Variants in SLCO1B3 observed in about 807,000 individuals in gnomAD.
The protein encoded by SLCO1B3 is solute carrier organic anion transporter family member 1B3, also known as liver-specific organic anion transporter 2.
SLCO1B3 carries 72 observed loss-of-function variants against 71.8 expected under a neutral mutation model. The observed-to-expected ratio is 1.00, with a 90% CI of 0.83 to 1.22. SLCO1B3 has a LOEUF of 1.22. SLCO1B3 is among the 50% of genes most tolerant of loss of function. The pLI is 0.00. For synonymous variants in SLCO1B3, 298 were observed against 278.4 expected, an observed-to-expected ratio of 1.07 and a Z score of -0.70; for missense variants, 911 against 819.7, an observed-to-expected ratio of 1.11 and a Z score of -1.36.
At chr12:20,856,640 A>T (rs558599996) in intron 4 of SLCO1B3, among the ~76,000 whole-genome samples, 97 of 152,226 alleles carry the variant, frequency 6.4e-4, no homozygotes, top group African/African-American at 2.2e-3. Flanking sequence ...TCTCACAGCA[A>T]CCTCCACCTC....
At position 20,889,636 on chromosome 12, in the gene SLCO1B3, C is replaced by T. The variant is rs77813387; in HGVS notation, c.1682+6034C>T. On this transcript the variant is annotated intron_variant, in intron 13 of 15. Coordinates refer to ENST00000381545, the MANE Select transcript of SLCO1B3 (RefSeq NM_019844.4). The stretch of plus-strand genomic sequence containing the variant: ...AAGCTATCTATCTTACTTATATTTT[C>T]AAATTACAACTTTTTATTTCACTGA... Among the ~76,000 whole-genome samples the T allele has an allele frequency of 9.0e-3, 1,376 of 152,118 alleles. 14 individuals carry two copies. Among genetic ancestry groups the T allele is most frequent in the African/African-American group, 0.03 (1,253 of 41,520 alleles).
intron 13 of SLCO1B3, among the ~76,000 whole-genome samples, chr12:20,896,989 A>C (rs1420804719): frequency 6.6e-6 from 1 of 152,196 alleles, no homozygotes; most frequent in Non-Finnish European, 1.5e-5. Context: ...TGTGAGACTT[A>C]TTATCATGAG....
At chr12:20,864,482 C>A (rs1470633805) in intron 8 of SLCO1B3, among the ~76,000 whole-genome samples, 5 of 152,162 alleles carry the variant, frequency 3.3e-5, no homozygotes, top group Non-Finnish European at 5.9e-5. Flanking sequence ...GCCAAGAAAT[C>A]ATAAAGTGTT....
intron 3 of SLCO1B3, among the ~76,000 whole-genome samples, chr12:20,832,611 G>T (rs1433871645): frequency 6.6e-6 from 1 of 152,034 alleles, no homozygotes; most frequent in Non-Finnish European, 1.5e-5. Context: ...TATCCCACAG[G>T]TTTTATTCTG....
In SLCO1B3 at chr12:20,877,787, T is replaced by C; in HGVS notation, c.986T>C (p.Leu329Ser). ...AACTCTATAGGTTTTTTCCAGTCTTTGAAAAGCATCCTTACCAATCCCCTG... is the reference window on the plus strand; with the variant it reads ...AACTCTATAGGTTTTTTCCAGTCTTCGAAAAGCATCCTTACCAATCCCCTG... The part of the protein sequence containing the change: ...TKNVTGFFQS[L>S]KSILTNPLYV... Residue 329 changes from leucine to serine, a missense_variant, in exon 10 of 16, where the codon TTG becomes TCG. Coordinates refer to ENST00000381545, the MANE Select transcript of SLCO1B3 (RefSeq NM_019844.4). 1 of 1,445,408 alleles carries C rather than the reference T, an allele frequency of 6.9e-7. No homozygotes were observed. The highest frequency in any genetic ancestry group is 9.2e-7 in the Non-Finnish European group (1 of 1,090,808). 89.5% of individuals were successfully genotyped at this position (1,445,408 alleles called of 1,614,324 possible).
At chr12:20,819,088 G>A (rs941799389) in intron 3 of SLCO1B3, among the ~76,000 whole-genome samples, 6 of 151,996 alleles carry the variant, frequency 3.9e-5, no homozygotes, top group Admixed American at 2.0e-4. Context: ...CTAAAGCAGC[G>A]GCAGCCGCTG....
intron 13 of SLCO1B3, among the ~76,000 whole-genome samples, chr12:20,898,141 A>G (rs1398322644): frequency 6.6e-6 from 1 of 152,166 alleles, no homozygotes; most frequent in Non-Finnish European, 1.5e-5. Context: ...CATAAGCATA[A>G]TAAAGTCTAT....
intron 3 of SLCO1B3, among the ~76,000 whole-genome samples, chr12:20,834,098 AAT>A (rs1043000470): frequency 4.8e-5 from 7 of 146,066 alleles, no homozygotes; most frequent in African/African-American, 1.2e-4. Flanking sequence ...ACACATATAT[AAT>A]ATATAAATGC....
intron 15 of SLCO1B3, among the ~76,000 whole-genome samples, chr12:20,904,742 CTGGACATCCAGGCTTTT>C (rs1866202582): frequency 7.3e-6 from 1 of 136,578 alleles, no homozygotes; most frequent in Non-Finnish European, 1.5e-5. Flanking sequence ...AGACTTCTGC[CTGGACATCCAGGCTTTT>C]TTTTTTTTTT....
At chr12:20,899,620 A>C (rs1866087420) in intron 14 of SLCO1B3, among the ~76,000 whole-genome samples, 1 of 152,150 alleles carries the variant, frequency 6.6e-6, no homozygotes, top group Admixed American at 6.6e-5. Flanking sequence ...CTGTGTCCCT[A>C]ATCTTCCAGC....
chr12:20,874,356 G>A (rs1357436785), intron 8 of SLCO1B3, among the ~76,000 whole-genome samples: 2 of 152,126 alleles, frequency 1.3e-5, no homozygotes, highest in African/African-American at 4.8e-5. Flanking sequence ...TGGTTTTTAT[G>A]TATCTGGTTT....
chr12:20,831,415 G>A (rs10841660), intron 3 of SLCO1B3, among the ~76,000 whole-genome samples: 15,449 of 145,674 alleles, frequency 0.11, 1,048 homozygotes, highest in Middle Eastern at 0.18. Context: ...TAACATCATC[G>A]AAACCATTGC....
intron 4 of SLCO1B3, among the ~76,000 whole-genome samples, chr12:20,856,078 A>G (rs190885888): frequency 7.2e-5 from 11 of 152,316 alleles, no homozygotes; most frequent in African/African-American, 2.6e-4. Flanking sequence ...CATGTCCTTC[A>G]CTTGTTTACC....
At chr12:20,877,066 G>T (rs900020439) in intron 9 of SLCO1B3, among the ~76,000 whole-genome samples, 2 of 152,044 alleles carry the variant, frequency 1.3e-5, no homozygotes, top group Non-Finnish European at 2.9e-5. Context: ...CCTGAGCTGA[G>T]ACAATCCACC....
chr12:20,882,794 AT>A (rs1865717840), intron 12 of SLCO1B3, among the ~76,000 whole-genome samples: 2 of 152,152 alleles, frequency 1.3e-5, no homozygotes, highest in Admixed American at 1.3e-4. Flanking sequence ...TCAGAGCAGA[AT>A]TTATTAAAGC....
At position 20,880,874 on chromosome 12, in the gene SLCO1B3, C is replaced by T. The variant is rs1292889922; in HGVS notation, c.1351C>T (p.His451Tyr). Residue 451 changes from histidine (H) to tyrosine (Y), a missense_variant, in exon 12 of 16, where the codon CAT becomes TAT. Physicochemically the swap from His to Tyr is moderately conservative, Grantham distance 83 (BLOSUM62 2). Coordinates refer to ENST00000381545, the MANE Select transcript of SLCO1B3 (RefSeq NM_019844.4). ...TYDGNNSVAS[H>Y]VDVPLSYCNS... Reference sequence around the variant, plus strand: ...TTTCAGAAATAATTCAGTGGCATCTCATGTAGATGTACCACTTTCTTATTG... The same window carrying T: ...TTTCAGAAATAATTCAGTGGCATCTTATGTAGATGTACCACTTTCTTATTG... 1 of 1,605,314 alleles carries T rather than the reference C, an allele frequency of 6.2e-7. No homozygotes were observed. The highest frequency in any genetic ancestry group is 8.5e-7 in the Non-Finnish European group (1 of 1,173,846).
rs745326410 is a variant in SLCO1B3 at position 20,858,569 on chromosome 12, A to T, written c.357A>T (p.Gly119=). ...ILTSLPHFFM[G]YYRYSKETHI... ...CATCTTTACCACATTTCTTCATGGG[A>T]TAGTAAGTGTTAAACAGCTCTGAGC... Residue 119 remains glycine, a splice_region_variant and synonymous_variant, in exon 5 of 16, where the codon GGA becomes GGT. Coordinates refer to ENST00000381545, the MANE Select transcript of SLCO1B3 (RefSeq NM_019844.4). 1.9e-6 allele frequency: 3 copies of T among 1,606,264 alleles called. No homozygotes were observed. The highest frequency in any genetic ancestry group is 1.1e-5 in the South Asian group (1 of 90,686).
In SLCO1B3 at chr12:20,828,646, T is replaced by C. The variant is rs867239677; in HGVS notation, c.84+12824T>C. ...GAAAGCATAAAGGCACACACACACATACACACACACACACACACACTCACA... is the reference window on the plus strand; with the variant it reads ...GAAAGCATAAAGGCACACACACACACACACACACACACACACACACTCACA... On this transcript the variant is annotated intron_variant, in intron 3 of 15. Coordinates refer to ENST00000381545, the MANE Select transcript of SLCO1B3 (RefSeq NM_019844.4). 1.8e-3 allele frequency among the ~76,000 whole-genome samples: 269 copies of C among 149,664 alleles called. 2 individuals are homozygous for C. Among genetic ancestry groups the C allele is most frequent in the African/African-American group, 6.3e-3 (256 of 40,842 alleles).
intron 3 of SLCO1B3, among the ~76,000 whole-genome samples, chr12:20,840,562 T>C (rs1417265221): frequency 3.3e-5 from 5 of 152,026 alleles, no homozygotes; most frequent in Admixed American, 1.3e-4. Flanking sequence ...GCTAATTTTT[T>C]TGTATTTTTT....
Sources: gnomAD v4.1 joint callset for allele counts (sites outside exome capture counted in the v4.1 genomes callset) on GRCh38, gnomAD v4.1.1 for gene constraint, MANE v1.5 for transcripts, NCBI Gene and HGNC (gene_info 2026-07-23, HGNC 2026-07-21) for gene names.